The following SYT9 variants were observed in gnomAD, a reference collection of about 807,000 sequenced individuals.
The protein encoded by SYT9 is synaptotagmin 9.
In SYT9, 22 loss-of-function variants were observed where a neutral mutation model predicts 48.4. The observed-to-expected ratio is 0.45, with a 90% CI of 0.32 to 0.65. SYT9 has a LOEUF of 0.65. Ranked by LOEUF, SYT9 falls within the 30% of genes least tolerant of loss-of-function variation. The probability of loss-of-function intolerance (pLI) is 0.03; values close to 1 mark genes in which losing one functional copy is unlikely to be tolerated. For synonymous variants in SYT9, 265 were observed against 245.0 expected (o/e 1.08, Z -0.76); for missense variants, 577 against 622.0 (o/e 0.93, Z 0.77).
chr11:7,365,501 C>G (rs1386031126), intron 3 of SYT9, among the ~76,000 whole-genome samples: 5 of 152,172 alleles, frequency 3.3e-5, no homozygotes, highest in African/African-American at 4.8e-5. Context: ...TCTGAGCAAA[C>G]TGAATTGGAA....
chr11:7,434,275 A>C (rs1847661787), intron 6 of SYT9, among the ~76,000 whole-genome samples: 1 of 152,162 alleles, frequency 6.6e-6, no homozygotes, highest in African/African-American at 2.4e-5. Context: ...GGTTCAAGAT[A>C]ACAAAATATA....
chr11:7,257,024 A>G (rs951243004), intron 1 of SYT9, among the ~76,000 whole-genome samples: 1 of 152,214 alleles, frequency 6.6e-6, no homozygotes, highest in Non-Finnish European at 1.5e-5. Context: ...AAAACTACCA[A>G]TGACTGGGCT....
rs372836186 is a variant in SYT9 at position 7,303,270 on chromosome 11, C to G, written c.377C>G (p.Ser126Cys). The G allele has an allele frequency of 5.3e-5, 85 of 1,613,922 alleles. 5 individuals carry two copies. In the Middle Eastern group the frequency reaches 3.1e-3, roughly 60 times the overall value. The change falls in exon 2 of 7, where the codon TCC (serine) becomes TGC (cysteine). Residue 126 changes from serine to cysteine, a missense_variant. Ser to Cys is a moderately radical substitution (Grantham distance 112). Transcript: ENST00000318881. ...CCTCCCACGCCCTGCCCTGACTCCTCCATGAAGATCAGCCACACCTCCCCT... is the reference window on the plus strand; with the variant it reads ...CCTCCCACGCCCTGCCCTGACTCCTGCATGAAGATCAGCCACACCTCCCCT... ...LDPPTPCPDS[S>C]MKISHTSPDI...
At position 7,313,817 on chromosome 11, in the gene SYT9, T is replaced by C; in HGVS notation, c.920T>C (p.Val307Ala). 6.2e-7 allele frequency: 1 copy of C among 1,614,240 alleles called. No homozygotes were observed. Among genetic ancestry groups the C allele is most frequent in the Non-Finnish European group, 8.5e-7 (1 of 1,180,022 alleles). ...GAAGCACGGAAGCTTCACTTCTCTG[T>C]GTACGACTTTGACAGGTTCTCTCGT... ...DLEARKLHFS[V>A]YDFDRFSRHD... Residue 307 changes from valine to alanine, a missense_variant, in exon 3 of 7, where the codon GTG becomes GCG. Physicochemically the swap from Val to Ala is moderately conservative, Grantham distance 64. Coordinates refer to ENST00000318881, the MANE Select transcript of SYT9 (RefSeq NM_175733.4).
Position 7,416,038 on chromosome 11 carries a change from A to G in SYT9, c.1045-4A>G, listed in dbSNP as rs1564895916. On this transcript the variant is annotated splice_region_variant and splice_polypyrimidine_tract_variant and intron_variant, in intron 3 of 6. Coordinates refer to ENST00000318881, the MANE Select transcript of SYT9 (RefSeq NM_175733.4). ...TAATACTTTAGTTTGTGCTTTCTCA[A>G]CAGGACAACGTGGATCTGGGAGAGC... 6.2e-7 allele frequency: 1 copy of G among 1,614,020 alleles called. No individual in the cohort carries two copies. The highest frequency in any genetic ancestry group is 8.5e-7 in the Non-Finnish European group (1 of 1,180,000).
chr11:7,376,345 T>TTCC (rs1850454226), intron 3 of SYT9, among the ~76,000 whole-genome samples: 17 of 142,772 alleles, frequency 1.2e-4, no homozygotes, highest in African/African-American at 4.0e-4. Flanking sequence ...TCCCTCTTTC[T>TTCC]TTCCTTCCTT....
At chr11:7,462,620 T>C (rs1307927566) in intron 6 of SYT9, among the ~76,000 whole-genome samples, 1 of 152,204 alleles carries the variant, frequency 6.6e-6, no homozygotes, top group Non-Finnish European at 1.5e-5. Context: ...CAGCAGAGCA[T>C]GATGAATCTT....
At chr11:7,242,275 C>A (rs916889084) in intron 1 of SYT9, among the ~76,000 whole-genome samples, 1 of 152,120 alleles carries the variant, frequency 6.6e-6, no homozygotes, top group African/African-American at 2.4e-5. Flanking sequence ...CCCTTATTGG[C>A]TATTTGGGAC....
chr11:7,312,648 T>C (rs1458268666), intron 2 of SYT9, among the ~76,000 whole-genome samples: 2 of 152,200 alleles, frequency 1.3e-5, no homozygotes, highest in Non-Finnish European at 2.9e-5. Context: ...AGTATCAGTA[T>C]CCAGCCATCT....
At chr11:7,362,054 TA>T (rs1444542900) in intron 3 of SYT9, among the ~76,000 whole-genome samples, 4 of 152,104 alleles carry the variant, frequency 2.6e-5, no homozygotes, top group Non-Finnish European at 5.9e-5. Flanking sequence ...ATCAGGAAAA[TA>T]ATAGCTTTCC....
intron 3 of SYT9, among the ~76,000 whole-genome samples, chr11:7,381,507 T>G (rs1231635197): frequency 1.3e-5 from 2 of 152,186 alleles, no homozygotes; most frequent in Non-Finnish European, 2.9e-5. Flanking sequence ...TCCTAGACAG[T>G]GGGCCCCTAT....
At chr11:7,362,460 G>T (rs1215845880) in intron 3 of SYT9, among the ~76,000 whole-genome samples, 8 of 151,836 alleles carry the variant, frequency 5.3e-5, no homozygotes, top group African/African-American at 1.9e-4. Context: ...CTATATATTT[G>T]TGTCCAGAAA....
chr11:7,344,338 C>T (rs1849763403), intron 3 of SYT9, among the ~76,000 whole-genome samples: 1 of 152,004 alleles, frequency 6.6e-6, no homozygotes. Context: ...AATATTTTCT[C>T]CCAAGCTATG....
chr11:7,323,805 T>TATGC (rs1849379424), intron 3 of SYT9, among the ~76,000 whole-genome samples: 1 of 152,060 alleles, frequency 6.6e-6, no homozygotes, highest in Non-Finnish European at 1.5e-5. Flanking sequence ...TGTGTGTGTG[T>TATGC]ATGCGTGTGT....
intron 1 of SYT9, among the ~76,000 whole-genome samples, chr11:7,299,231 C>G (rs1013418260): frequency 1.3e-5 from 2 of 152,186 alleles, no homozygotes; most frequent in Admixed American, 6.5e-5. Flanking sequence ...CTGATGCTCC[C>G]TCTCCATTTT....
At position 7,289,496 on chromosome 11, in the gene SYT9, A is replaced by G. The variant is rs1459791360; in HGVS notation, c.146-13543A>G. Among the ~76,000 whole-genome samples, 3 of 152,326 alleles carry G rather than the reference A, an allele frequency of 2.0e-5. No homozygotes were observed. The East Asian group carries it at 5.8e-4, about 29-fold the overall frequency. ...AATTTGATGTTATGTATATTTTGCT[A>G]CAATTTTTAAAAACATGAATAAAAA... is the stretch of plus-strand genomic sequence containing the variant. On this transcript the variant is annotated intron_variant, in intron 1 of 6. Transcript: ENST00000318881.
Position 7,313,376 on chromosome 11 carries a change from G to T in SYT9, c.498-19G>T. The T allele has an allele frequency of 6.3e-7, 1 of 1,592,410 alleles. No homozygotes were observed. The highest frequency in any genetic ancestry group is 8.5e-7 in the Non-Finnish European group (1 of 1,171,496). On this transcript the variant is annotated intron_variant, in intron 2 of 6. Coordinates refer to ENST00000318881, the MANE Select transcript of SYT9 (RefSeq NM_175733.4). ...GCTAATAAGGTTATAACTTTGTTCT[G>T]TGTTGCTCTTCATTCAAGGCATAAT... is the stretch of plus-strand genomic sequence containing the variant.
chr11:7,341,226 C>T (rs1195194801), intron 3 of SYT9, among the ~76,000 whole-genome samples: 2 of 152,182 alleles, frequency 1.3e-5, no homozygotes, highest in East Asian at 1.9e-4. Flanking sequence ...CTACACACCT[C>T]GGACTCCTTT....
intron 1 of SYT9, among the ~76,000 whole-genome samples, chr11:7,288,303 C>G: frequency 7.9e-6 from 1 of 127,112 alleles, no homozygotes; most frequent in Non-Finnish European, 1.7e-5. Flanking sequence ...AAAAAAAAAA[C>G]TCTTCATCTA....
Sources: allele counts gnomAD v4.1 joint callset (sites outside exome capture counted in the v4.1 genomes callset), GRCh38; gene constraint gnomAD v4.1.1; transcripts MANE v1.5; gene names NCBI Gene and HGNC (gene_info 2026-07-23, HGNC 2026-07-21).